The following UGGT1 variants were observed in gnomAD, a reference collection of about 807,000 sequenced individuals.
UGGT1 encodes UDP-glucose:glycoprotein glucosyltransferase 1.
In UGGT1, 107 loss-of-function variants were observed where a neutral mutation model predicts 203.9. The ratio of observed to expected loss-of-function variants is 0.52; its 90% CI spans 0.45 to 0.62. UGGT1 has a LOEUF of 0.62. UGGT1 is among the 20% of genes least tolerant of loss of function. The pLI, the probability that UGGT1 is intolerant of heterozygous loss-of-function variation, is 0.00. For synonymous variants in UGGT1, 628 were observed against 653.5 expected (o/e 0.96, Z 0.59); for missense variants, 1,673 against 1,867.2 (o/e 0.90, Z 1.92).
At chr2:128,117,083 T>A (rs72845162) in intron 8 of UGGT1, among the ~76,000 whole-genome samples, 20,453 of 152,098 alleles carry the variant, frequency 0.13, 1,774 homozygotes, top group Non-Finnish European at 0.19. Context: ...TATTATTATT[T>A]TTTATTTATT....
intron 11 of UGGT1, 82 bp downstream of exon 11, chr2:128,123,328 AAC>A: frequency 8.9e-7 from 1 of 1,117,446 alleles, no homozygotes; most frequent in South Asian, 1.5e-5. Context: ...AGCAGCATTT[AAC>A]AGTGTCACTC....
chr2:128,171,168 A>C, intron 27 of UGGT1, 37 bp from the exon 28 acceptor site: 1 of 1,577,222 alleles, frequency 6.3e-7, no homozygotes, highest in Non-Finnish European at 8.6e-7. Flanking sequence ...CTGAAGAAAA[A>C]AATCCTAAAT....
intron 10 of UGGT1, 109 bp from the exon 11 acceptor site, chr2:128,123,077 C>A: frequency 1.4e-6 from 1 of 734,354 alleles, no homozygotes; most frequent in Non-Finnish European, 2.1e-6. Flanking sequence ...TTTTCCCATT[C>A]AGTTTTTTCT....
chr2:128,135,052 G>A, intron 15 of UGGT1, 91 bp downstream of exon 15: 2 of 1,116,368 alleles, frequency 1.8e-6, no homozygotes, highest in Non-Finnish European at 2.6e-6. Context: ...CTGAGTTGTA[G>A]GATAATTAAT....
chr2:128,154,489 A>C (rs1011771866), intron 19 of UGGT1, among the ~76,000 whole-genome samples: 1 of 152,118 alleles, frequency 6.6e-6, no homozygotes, highest in Non-Finnish European at 1.5e-5. Flanking sequence ...TGGCATTGTC[A>C]CTCAGGTTTC....
Position 128,093,710 on chromosome 2 carries a change from C to T in UGGT1, c.58+2295C>T, listed in dbSNP as rs1686975880. Among the ~76,000 whole-genome samples the T allele has an allele frequency of 2.6e-5, 4 of 152,278 alleles. No individual in the cohort carries two copies. In the South Asian group the frequency reaches 8.3e-4, roughly 32 times the overall value. On this transcript the variant is annotated intron_variant, in intron 1 of 40. Transcript: ENST00000259253. ...AAAGCCAGAGAACCAGAGAAGAGAG[C>T]ACGGTATTGTAGAACTTTAAAAGCA... is the stretch of plus-strand genomic sequence containing the variant.
intron 16 of UGGT1, among the ~76,000 whole-genome samples, chr2:128,139,240 C>T (rs991733578): frequency 6.6e-6 from 1 of 152,120 alleles, no homozygotes. Flanking sequence ...CAACGGCTAC[C>T]TTAAAATTTT....
intron 40 of UGGT1, 131 bp from the exon 41 acceptor site, chr2:128,189,586 G>T (rs1692155139): frequency 1.1e-6 from 1 of 948,170 alleles, no homozygotes; most frequent in Non-Finnish European, 1.6e-6. Context: ...AAATCCCAAA[G>T]ATTTAGTAAG....
In UGGT1 at chr2:128,161,181, AT is replaced by A; in HGVS notation, c.2741del (p.Phe914SerfsTer9). 1 of 1,614,080 alleles carries A rather than the reference AT, an allele frequency of 6.2e-7. No homozygotes were observed. The highest frequency in any genetic ancestry group is 8.5e-7 in the Non-Finnish European group (1 of 1,179,992). ...LEDSELFNQD[D>X]FHLLENIILK... Reference sequence around the variant, plus strand: ...GATAGTGAGCTCTTTAATCAAGACGATTTCCACCTCCTCGAAAATATCATCT... The same window carrying A: ...GATAGTGAGCTCTTTAATCAAGACGATTCCACCTCCTCGAAAATATCATCT... On this transcript the variant is annotated frameshift_variant, in exon 25 of 41. Coordinates refer to ENST00000259253, the MANE Select transcript of UGGT1 (RefSeq NM_020120.4). LOFTEE classifies it high-confidence loss of function.
chr2:128,168,581 A>AC (rs1690913463), intron 26 of UGGT1, among the ~76,000 whole-genome samples: 2 of 152,240 alleles, frequency 1.3e-5, no homozygotes, highest in Non-Finnish European at 2.9e-5. Context: ...TTCAGAGCAA[A>AC]CAAAGTATAA....
intron 18 of UGGT1, among the ~76,000 whole-genome samples, chr2:128,151,802 T>C (rs1251740289): frequency 6.6e-6 from 1 of 152,032 alleles, no homozygotes; most frequent in Non-Finnish European, 1.5e-5. Context: ...GCCCTGGAGG[T>C]CAAGGCTGCA....
chr2:128,127,601 A>C, intron 12 of UGGT1, 149 bp downstream of exon 12: 1 of 610,760 alleles, frequency 1.6e-6, no homozygotes, highest in Non-Finnish European at 2.9e-6. Context: ...TAGTAGGCAC[A>C]TGCCATGATG....
chr2:128,128,284 T>A lies in UGGT1; in HGVS notation c.1227-745T>A, dbSNP rs187675805. Among the ~76,000 whole-genome samples, 443 of 151,178 alleles carry A rather than the reference T, an allele frequency of 2.9e-3. 4 individuals carry two copies. Among genetic ancestry groups the A allele is most frequent in the African/African-American group, 0.01 (423 of 41,330 alleles). ...GATGGAGTCTCAAAAGAAATTTTTTTAATCACATCTTATTTCTCCTTCCTT... is the reference window on the plus strand; with the variant it reads ...GATGGAGTCTCAAAAGAAATTTTTTAAATCACATCTTATTTCTCCTTCCTT... On this transcript the variant is annotated intron_variant, in intron 12 of 40. Coordinates refer to ENST00000259253, the MANE Select transcript of UGGT1 (RefSeq NM_020120.4).
At chr2:128,130,277 A>G (rs1688812327) in intron 13 of UGGT1, among the ~76,000 whole-genome samples, 2 of 151,572 alleles carry the variant, frequency 1.3e-5, no homozygotes, top group Admixed American at 6.6e-5. Context: ...AAAAAAAAAA[A>G]TAGAGAATGT....
intron 37 of UGGT1, 124 bp from the exon 38 acceptor site, chr2:128,183,551 T>G: frequency 1.5e-6 from 1 of 658,460 alleles, no homozygotes. Context: ...ACTGTAGGGC[T>G]GTAGCATACC....
chr2:128,116,376 C>CTCAA lies in UGGT1; in HGVS notation c.872+36_872+37insATCA, dbSNP rs754966517. On this transcript the variant is annotated intron_variant, in intron 8 of 40. Transcript: ENST00000259253. ...TGTTCTGTGTATTTTGGGAAACGCCCTCATTTTCTTTAAGCCTCCAGGCTT... is the reference window on the plus strand; with the variant it reads ...TGTTCTGTGTATTTTGGGAAACGCCCTCAATCATTTTCTTTAAGCCTCCAGGCTT... 4 of 1,410,974 alleles carry CTCAA rather than the reference C, an allele frequency of 2.8e-6. No homozygotes were observed. In the South Asian group the frequency reaches 4.7e-5, roughly 17 times the overall value. The allele number at this position is 1,410,974 out of a possible 1,614,324, so 87.4% of individuals were successfully genotyped here. A position where few individuals can be genotyped will look rare whatever the true frequency, so the allele number is the denominator to read the frequency against.
intron 19 of UGGT1, among the ~76,000 whole-genome samples, chr2:128,154,187 G>A (rs1336480681): frequency 6.6e-6 from 1 of 152,246 alleles, no homozygotes; most frequent in African/African-American, 2.4e-5. Flanking sequence ...TCACAGCCGG[G>A]TTTTCCTTTC....
intron 14 of UGGT1, 130 bp from the exon 15 acceptor site, chr2:128,134,746 C>A (rs1335603278): frequency 4.2e-6 from 3 of 712,968 alleles, no homozygotes; most frequent in African/African-American, 3.5e-5. Context: ...GTGTGTAATT[C>A]ATCTTTTATG....
chr2:128,103,339 G>GA (rs1687467360), intron 2 of UGGT1, among the ~76,000 whole-genome samples: 1 of 152,024 alleles, frequency 6.6e-6, no homozygotes, highest in South Asian at 2.1e-4. Context: ...GGATAAAGTC[G>GA]AAAAAAATTA....
Sources: allele counts gnomAD v4.1 joint callset (sites outside exome capture counted in the v4.1 genomes callset), GRCh38; gene constraint gnomAD v4.1.1; transcripts MANE v1.5; gene names NCBI Gene and HGNC (gene_info 2026-07-23, HGNC 2026-07-21).